NUP214: variants seen among roughly 807,000 people sequenced by gnomAD.
The protein encoded by NUP214 is nuclear pore complex protein Nup214.
In NUP214, 79 loss-of-function variants were observed where a neutral mutation model predicts 196.2. The ratio of observed to expected loss-of-function variants is 0.40; its 90% confidence interval spans 0.34 to 0.49. The LOEUF (loss-of-function observed/expected upper bound fraction) is 0.49. Among genes scored for constraint, NUP214 ranks in the 20% least tolerant of loss-of-function variants. NUP214 has a pLI of 0.58. For synonymous variants in NUP214, 1,020 were observed against 990.5 expected, an observed-to-expected ratio of 1.03 and a Z score of -0.56; for missense variants, 2,468 against 2,539.0, an observed-to-expected ratio of 0.97 and a Z score of 0.60.
intron 30 of NUP214, among the ~76,000 whole-genome samples, chr9:131,207,962 G>A (rs1214203782): frequency 6.6e-6 from 1 of 152,162 alleles, no homozygotes; most frequent in Non-Finnish European, 1.5e-5. Context: ...ACATGAAAAG[G>A]TGATCAAGTA....
intron 31 of NUP214, among the ~76,000 whole-genome samples, chr9:131,215,581 C>G (rs1834370042): frequency 1.0e-5 from 1 of 97,784 alleles, no homozygotes; most frequent in Non-Finnish European, 2.4e-5. Context: ...GATATCAGAG[C>G]TGCAGGGAGA....
chr9:131,139,276 T>A lies in NUP214; in HGVS notation c.1006-5T>A, dbSNP rs1831837596. The A allele has an allele frequency of 7.0e-7, 1 of 1,424,424 alleles. No individual in the cohort carries two copies. Among genetic ancestry groups the A allele is most frequent in the Non-Finnish European group, 9.2e-7 (1 of 1,092,618 alleles). The allele number at this position is 1,424,424 out of a possible 1,614,324, so 88.2% of individuals were successfully genotyped here. The stretch of plus-strand genomic sequence containing the variant: ...TCTTCTTTTTTTTTTTTTTTTTTTT[T>A]TTAGATTAATTGGGAATCTTGGCTA... On this transcript the variant is annotated splice_region_variant and splice_polypyrimidine_tract_variant and intron_variant, in intron 9 of 35. Transcript: ENST00000359428.
At chr9:131,218,252 G>A (rs1045626064) in intron 31 of NUP214, among the ~76,000 whole-genome samples, 1 of 152,170 alleles carries the variant, frequency 6.6e-6, no homozygotes, top group Admixed American at 6.5e-5. Context: ...GGTACTAGGT[G>A]TATGATTCAA....
At chr9:131,159,254 A>G (rs1210377620) in intron 17 of NUP214, 129 bp from the exon 18 acceptor site, 4 of 669,004 alleles carry the variant, frequency 6.0e-6, no homozygotes, top group East Asian at 5.5e-5. Flanking sequence ...ATTAAAACCT[A>G]TTCTGTTTTC....
At chr9:131,205,377 CAT>C (rs1182776663) in intron 30 of NUP214, among the ~76,000 whole-genome samples, 4 of 152,208 alleles carry the variant, frequency 2.6e-5, no homozygotes, top group African/African-American at 9.6e-5. Flanking sequence ...ACTGGGAACT[CAT>C]ATTGCTAGTG....
intron 30 of NUP214, among the ~76,000 whole-genome samples, chr9:131,210,094 T>C (rs1198978298): frequency 2.0e-5 from 3 of 152,182 alleles, no homozygotes; most frequent in Non-Finnish European, 4.4e-5. Flanking sequence ...TCTCACTCTC[T>C]AGGAAAAGCA....
intron 30 of NUP214, among the ~76,000 whole-genome samples, chr9:131,202,805 A>G (rs1833974515): frequency 6.6e-6 from 1 of 151,974 alleles, no homozygotes; most frequent in African/African-American, 2.4e-5. Flanking sequence ...GGCAACATAT[A>G]TATCCCCTCT....
Position 131,151,881 on chromosome 9 carries a change from AAGCTC to A in NUP214, c.2428_2432del (p.Gln810SerfsTer19). The stretch of plus-strand genomic sequence containing the variant: ...AAAAGACCACTGGATCCCAAGAGTG[AAGCTC>A]AGCTTCAGGTAGGAGATCTATGTAA... On this transcript the variant is annotated frameshift_variant, in exon 17 of 36. Coordinates refer to ENST00000359428, the MANE Select transcript of NUP214 (RefSeq NM_005085.4). LOFTEE classifies it high-confidence loss of function. 1.2e-6 allele frequency: 2 copies of A among 1,609,588 alleles called. No homozygotes were observed. Among genetic ancestry groups the A allele is most frequent in the Non-Finnish European group, 8.5e-7 (1 of 1,178,748 alleles).
At chr9:131,150,856 C>T in intron 16 of NUP214, 91 bp downstream of exon 16, 1 of 1,239,836 alleles carries the variant, frequency 8.1e-7, no homozygotes, top group Non-Finnish European at 1.1e-6. Flanking sequence ...TTTATTTCTT[C>T]AAGGACCACC....
chr9:131,212,144 C>T (rs1229898532), intron 30 of NUP214, among the ~76,000 whole-genome samples: 2 of 152,188 alleles, frequency 1.3e-5, no homozygotes, highest in African/African-American at 4.8e-5. Context: ...CCCCAGTCTC[C>T]TGTGGCACCC....
In NUP214 at chr9:131,232,854, A is replaced by C. The variant is rs528578737; in HGVS notation, c.6239+546A>C. 6.3e-6 allele frequency: 1 copy of C among 158,306 alleles called. No homozygotes were observed. Among genetic ancestry groups the C allele is most frequent in the Non-Finnish European group, 1.4e-5 (1 of 72,166 alleles). The allele number at this position is 158,306 out of a possible 1,614,324, so 9.8% of individuals were successfully genotyped here. ...TGAGACCCCATCTCTACTAAAAATT[A>C]AAAAAATTAGCCGTGCATGCTGGCT... On this transcript the variant is annotated intron_variant, in intron 35 of 35. Coordinates refer to ENST00000359428, the MANE Select transcript of NUP214 (RefSeq NM_005085.4). This position sits in a 1 kb window ranked among gnomAD's most constrained non-coding sequence, Gnocchi z 5.1.
In NUP214 at chr9:131,127,635, G is replaced by T; in HGVS notation, c.157G>T (p.Ala53Ser). 1.2e-6 allele frequency: 2 copies of T among 1,614,104 alleles called. No homozygotes were observed. The highest frequency in any genetic ancestry group is 3.3e-5 in the Admixed American group (2 of 60,018). ...AVSNKYGLVF[A>S]GGASGLQIFP... ...GTCCAACAAATATGGTCTGGTCTTCGCTGGTGGAGCCAGTGGCTTGCAGAT... is the reference window on the plus strand; with the variant it reads ...GTCCAACAAATATGGTCTGGTCTTCTCTGGTGGAGCCAGTGGCTTGCAGAT... Residue 53 changes from alanine to serine, a missense_variant, in exon 2 of 36, where the codon GCT becomes TCT. Physicochemically the swap from Ala to Ser is moderately conservative, Grantham distance 99 (BLOSUM62 1). Around this residue, in one of 5 missense-constraint regions of NUP214, gnomAD observed 392 missense variants for 417.9 expected, o/e 0.94. Transcript: ENST00000359428.
chr9:131,229,954 C>T, intron 33 of NUP214: 1 of 350,758 alleles, frequency 2.9e-6, no homozygotes, highest in East Asian at 8.5e-5. Context: ...CACCTCCAGA[C>T]CCCAGAAGCT....
chr9:131,231,652 A>G (rs1485261354), intron 34 of NUP214, among the ~76,000 whole-genome samples: 3 of 151,772 alleles, frequency 2.0e-5, no homozygotes, highest in Non-Finnish European at 4.4e-5. Flanking sequence ...AAAAAGGCAT[A>G]GAAACTTCAC....
rs1356636510 is a variant in NUP214, at chr9:131,128,335, A to G, written c.245A>G (p.Asp82Gly). 1.5e-5 allele frequency: 24 copies of G among 1,607,112 alleles called. No individual in the cohort carries two copies. The highest frequency in any genetic ancestry group is 1.6e-4 in the Middle Eastern group (1 of 6,062). ...TTGTATTTTTTTGTTTTCATAGTTG[A>G]TAAAGTCCAAGGCTTGCTAGTTCCT... is the stretch of plus-strand genomic sequence containing the variant. The part of the protein sequence containing the change: ...KPGDDPNKIV[D>G]KVQGLLVPMK... Residue 82 changes from aspartate to glycine, a missense_variant, in exon 3 of 36, where the codon GAT (aspartate) becomes GGT (glycine). Asp to Gly is a moderately conservative substitution (Grantham distance 94, BLOSUM62 -1). Transcript: ENST00000359428.
At chr9:131,205,009 T>C (rs1235203009) in intron 30 of NUP214, among the ~76,000 whole-genome samples, 2 of 152,066 alleles carry the variant, frequency 1.3e-5, no homozygotes, top group Non-Finnish European at 2.9e-5. Context: ...CAAAAAAATA[T>C]CTATAAAGAA....
chr9:131,201,579 CAA>C lies in NUP214; in HGVS notation c.5522-65_5522-64del, dbSNP rs548497961. On this transcript the variant is annotated intron_variant, in intron 29 of 35. Coordinates refer to ENST00000359428, the MANE Select transcript of NUP214 (RefSeq NM_005085.4). ...ACTCTGCCTCAAAAAAAAAAAACAACAAAACTTTAATGTTGTAAAAGACTCAT... is the reference window on the plus strand; with the variant it reads ...ACTCTGCCTCAAAAAAAAAAAACAACAACTTTAATGTTGTAAAAGACTCAT... 3.5e-3 allele frequency: 4,356 copies of C among 1,228,844 alleles called. 12 individuals carry two copies. The highest frequency in any genetic ancestry group is 3.9e-3 in the Non-Finnish European group (3,373 of 858,316). 76.1% of individuals were successfully genotyped at this position (1,228,844 alleles called of 1,614,324 possible).
intron 14 of NUP214, among the ~76,000 whole-genome samples, chr9:131,148,366 A>T (rs771685408): frequency 8.5e-5 from 13 of 152,280 alleles, no homozygotes; most frequent in Non-Finnish European, 1.6e-4. Context: ...TTCCACTCTG[A>T]TGGGCGCTTG....
Position 131,232,839 on chromosome 9 carries a change from T to G in NUP214, c.6239+531T>G, listed in dbSNP as rs1197307716. On this transcript the variant is annotated intron_variant, in intron 35 of 35. Transcript: ENST00000359428. The surrounding 1 kb of genome is among the most constrained non-coding windows in gnomAD (Gnocchi z 5.1). The stretch of plus-strand genomic sequence containing the variant: ...GCCTGGGCAACAGAGTGAGACCCCA[T>G]CTCTACTAAAAATTAAAAAAATTAG... 1 of 160,864 alleles carries G rather than the reference T, an allele frequency of 6.2e-6. No homozygotes were observed. The highest frequency in any genetic ancestry group is 1.4e-5 in the Non-Finnish European group (1 of 73,232). 10.0% of individuals were successfully genotyped at this position (160,864 alleles called of 1,614,324 possible).
Sources: gnomAD v4.1 joint callset for allele counts (sites outside exome capture counted in the v4.1 genomes callset) on GRCh38, gnomAD v4.1.1 for gene constraint, gnomAD v4.1.1 regional missense constraint, Gnocchi (gnomAD v3.1) non-coding constraint, MANE v1.5 for transcripts, NCBI Gene and HGNC (gene_info 2026-07-23, HGNC 2026-07-21) for gene names.